The following PODNL1 variants were observed in gnomAD, a reference collection of about 807,000 sequenced individuals.
PODNL1 encodes podocan like 1.
PODNL1 carries 50 observed loss-of-function variants against 45.1 expected under a neutral mutation model. The ratio of observed to expected loss-of-function variants is 1.11; its 90% CI spans 0.88 to 1.40. PODNL1 has a LOEUF of 1.40. Ranked by LOEUF, PODNL1 falls within the 40% of genes most tolerant of loss-of-function variation. The pLI is 0.00. For missense variants in PODNL1, 788 were observed against 793.3 expected (o/e 0.99, Z 0.08); for synonymous variants, 406 against 372.5 (o/e 1.09, Z -1.04).
chr19:13,933,825 G>T lies in PODNL1; in HGVS notation c.767+53C>A. Reference sequence around the variant, plus strand: ...AGTCAGGGAAGGGGGACTGAAGGTTGGGACCCCCGACTGTAAATTCTCAGC... The same window carrying T: ...AGTCAGGGAAGGGGGACTGAAGGTTTGGACCCCCGACTGTAAATTCTCAGC... On this transcript the variant is annotated intron_variant, in intron 7 of 9. Coordinates refer to ENST00000588872, the MANE Select transcript of PODNL1 (RefSeq NM_001370095.3). This position sits in a 1 kb window ranked among gnomAD's most constrained non-coding sequence, Gnocchi z 5.2. 1 of 1,463,584 alleles carries T rather than the reference G, an allele frequency of 6.8e-7. No individual in the cohort carries two copies. The highest frequency in any genetic ancestry group is 2.5e-5 in the East Asian group (1 of 40,758). 90.7% of individuals were successfully genotyped at this position (1,463,584 alleles called of 1,614,324 possible). A position where few individuals can be genotyped will look rare whatever the true frequency, so the allele number is the denominator to read the frequency against.
upstream of PODNL1, among the ~76,000 whole-genome samples, chr19:13,941,900 C>G (rs1430098108): frequency 1.3e-5 from 2 of 152,152 alleles, no homozygotes; most frequent in East Asian, 3.8e-4. Flanking sequence ...GAGGGTCTCT[C>G]TTCATGGGGT....
rs779971244 is a variant in PODNL1, at chr19:13,935,751, G to A, written c.464C>T (p.Pro155Leu). Reference sequence around the variant, plus strand: ...TGCCGGCTTCTCCCCAAAGGTGAGGGGGAAGATCTCCATCACTTGGTTGGC... The same window carrying A: ...TGCCGGCTTCTCCCCAAAGGTGAGGAGGAAGATCTCCATCACTTGGTTGGC... ...LAANQVMEIF[P>L]LTFGEKPALR... is the part of the protein sequence containing the mutation. Residue 155 changes from proline (P) to leucine (L), a missense_variant, in exon 5 of 10, where the codon CCC becomes CTC. Pro to Leu is a moderately conservative substitution (Grantham distance 98). Transcript: ENST00000588872. 6.3e-7 allele frequency: 1 copy of A among 1,591,218 alleles called. No individual in the cohort carries two copies. Among genetic ancestry groups the A allele is most frequent in the South Asian group, 1.1e-5 (1 of 88,070 alleles).
At chr19:13,932,642 C>A in intron 8 of PODNL1, 156 bp downstream of exon 8, 1 of 1,534,626 alleles carries the variant, frequency 6.5e-7, no homozygotes, top group Non-Finnish European at 8.8e-7. Context: ...AGGCATGAGC[C>A]ACCTCACCCA....
At chr19:13,940,597 C>G (rs1475415017), upstream of PODNL1, among the ~76,000 whole-genome samples, 3 of 92,848 alleles carry the variant, frequency 3.2e-5, no homozygotes, top group Non-Finnish European at 4.4e-5. Context: ...AAAAACTTAG[C>G]GGGGGCCAGG....
chr19:13,937,592 G>A (rs923839037), intron 2 of PODNL1, among the ~76,000 whole-genome samples, 193 bp downstream of exon 2: 3 of 151,856 alleles, frequency 2.0e-5, no homozygotes, highest in Non-Finnish European at 2.9e-5. Context: ...GCATGTCCAC[G>A]CTCACCCCTC....
upstream of PODNL1, chr19:13,938,573 G>A: frequency 1.5e-6 from 1 of 670,302 alleles, no homozygotes; most frequent in Non-Finnish European, 1.9e-6. Flanking sequence ...GGGGATGGAG[G>A]GATGGGGGGA....
At chr19:13,935,525 T>A (rs997469202) in intron 5 of PODNL1, among the ~76,000 whole-genome samples, 196 bp downstream of exon 5, 2 of 151,960 alleles carry the variant, frequency 1.3e-5, no homozygotes, top group Non-Finnish European at 2.9e-5. Context: ...CAGGGTTTCA[T>A]CATGTTGGCC....
rs377267916 is a variant in PODNL1 at position 13,943,723 on chromosome 19, A to G, written c.19-5717T>C. ...ATGATCCACCTGCCTCAGCCTCCCA[A>G]AGTGCTGGGATTACAGGCGTGAGCC... On this transcript the variant is annotated intron_variant, in intron 1 of 7. Coordinates refer to the PODNL1 transcript ENST00000538371. 5.0e-3 allele frequency among the ~76,000 whole-genome samples: 757 copies of G among 151,558 alleles called. 5 individuals are homozygous for G. Among genetic ancestry groups the G allele is most frequent in the Middle Eastern group, 0.014 (4 of 292 alleles).
rs1396731354 is a variant in PODNL1 at position 13,934,449 on chromosome 19, G to A, written c.495-39C>T. ...GGCTCCGGCCACCAGCCTGCCCCTC[G>A]CCTCCTACCACCCCACTCCCGCACC... is the stretch of plus-strand genomic sequence containing the variant. On this transcript the variant is annotated intron_variant, in intron 5 of 9. Coordinates refer to ENST00000588872, the MANE Select transcript of PODNL1 (RefSeq NM_001370095.3). 5 of 1,462,334 alleles carry A rather than the reference G, an allele frequency of 3.4e-6. No homozygotes were observed. The East Asian group carries it at 1.0e-4, about 30-fold the overall frequency. The allele number at this position is 1,462,334 out of a possible 1,614,324, so 90.6% of individuals were successfully genotyped here. A position where few individuals can be genotyped will look rare whatever the true frequency, so the allele number is the denominator to read the frequency against.
At chr19:13,932,369 T>G in intron 8 of PODNL1, 1 of 496,088 alleles carries the variant, frequency 2.0e-6, no homozygotes, top group South Asian at 6.3e-5. Flanking sequence ...TTTCATCACT[T>G]TTTTTTTCAA....
At chr19:13,939,692 T>G (rs73515536), upstream of PODNL1, among the ~76,000 whole-genome samples, 11,046 of 151,518 alleles carry the variant, frequency 0.073, 1,150 homozygotes, top group African/African-American at 0.23. Flanking sequence ...TTCCAGAGCA[T>G]CGAGCCCAAC....
At position 13,933,961 on chromosome 19, in the gene PODNL1, G is replaced by C; in HGVS notation, c.684C>G (p.Ala228=). The C allele has an allele frequency of 6.2e-7, 1 of 1,611,086 alleles. No homozygotes were observed. The highest frequency in any genetic ancestry group is 8.5e-7 in the Non-Finnish European group (1 of 1,178,726). ...CACGGAGTTGAGTCTGGCGGCTCAGGGCTCCTCGGGGCACCTTGGAGATGA... is the reference window on the plus strand; with the variant it reads ...CACGGAGTTGAGTCTGGCGGCTCAGCGCTCCTCGGGGCACCTTGGAGATGA... ...NNLISKVPRG[A]LSRQTQLREL... The change falls in exon 7 of 10, where the codon GCC becomes GCG. Residue 228 remains alanine, a synonymous_variant. Coordinates refer to ENST00000588872, the MANE Select transcript of PODNL1 (RefSeq NM_001370095.3). The surrounding 1 kb of genome is among the most constrained non-coding windows in gnomAD (Gnocchi z 5.2).
At chr19:13,949,504 C>T (rs1055231753) in intron 1 of PODNL1, 2 of 151,958 alleles carry the variant, frequency 1.3e-5, no homozygotes, top group Admixed American at 1.3e-4. Flanking sequence ...ATTGTAGAGA[C>T]GAGGTCTTAA....
chr19:13,945,630 G>A (rs911418725), intron 1 of PODNL1, among the ~76,000 whole-genome samples: 6 of 151,872 alleles, frequency 4.0e-5, no homozygotes, highest in Non-Finnish European at 8.8e-5. Flanking sequence ...GGAATTACAG[G>A]TGCCTGCCAC....
chr19:13,941,384 A>AG (rs1412250231), upstream of PODNL1, among the ~76,000 whole-genome samples: 2 of 151,100 alleles, frequency 1.3e-5, no homozygotes, highest in Non-Finnish European at 2.9e-5. Flanking sequence ...AAAAAAAAAA[A>AG]GTATAGCGTC....
chr19:13,932,911 C>G lies in PODNL1; in HGVS notation c.1312G>C (p.Glu438Gln), dbSNP rs894563143. Residue 438 changes from glutamate to glutamine, a missense_variant, in exon 8 of 10, where the codon GAG becomes CAG. Glu to Gln is a conservative substitution (Grantham distance 29). Transcript: ENST00000588872. ...QLQRNQLRML[E>Q]PEPLAGLDQL... ...TCCAGGCCGGCCAGAGGCTCGGGCTCGAGCATCCGCAGCTGGTTGCGTTGC... is the reference window on the plus strand; with the variant it reads ...TCCAGGCCGGCCAGAGGCTCGGGCTGGAGCATCCGCAGCTGGTTGCGTTGC... 6.3e-7 allele frequency: 1 copy of G among 1,585,382 alleles called. No homozygotes were observed. Among genetic ancestry groups the G allele is most frequent in the Admixed American group, 1.8e-5 (1 of 55,352 alleles).
At position 13,935,795 on chromosome 19, in the gene PODNL1, G is replaced by C; in HGVS notation, c.420C>G (p.Leu140=). 6.2e-7 allele frequency: 1 copy of C among 1,600,148 alleles called. No homozygotes were observed. Among genetic ancestry groups the C allele is most frequent in the Non-Finnish European group, 8.5e-7 (1 of 1,176,010 alleles). Residue 140 remains leucine (L), a synonymous_variant, in exon 5 of 10, where the codon CTC becomes CTG. Transcript: ENST00000588872. The stretch of plus-strand genomic sequence containing the variant: ...GGTTGGCAGCCAGATCCGCGACACG[G>C]AGGGACCGGGGCAGAAACTGAGGGG... ...SVAPQFLPRS[L]RVADLAANQV...
chr19:13,936,446 C>G lies in PODNL1; in HGVS notation c.240G>C (p.Gln80His). 2 of 1,613,248 alleles carry G rather than the reference C, an allele frequency of 1.2e-6. No individual in the cohort carries two copies. Among genetic ancestry groups the G allele is most frequent in the Non-Finnish European group, 1.7e-6 (2 of 1,179,474 alleles). ...GGGACAGCTCATTGTAGGGGAGTTC[C>G]TGGAGCTGGTTGTTCTGCAGGGTGA... is the stretch of plus-strand genomic sequence containing the variant. Reference protein sequence around the residue: ...QHLSLQNNQLQELPYNELSRL... With the variant: ...QHLSLQNNQLHELPYNELSRL... Residue 80 changes from glutamine to histidine, a missense_variant, in exon 3 of 10, where the codon CAG becomes CAC. By Grantham distance (24) the Gln-to-His change is conservative. Transcript: ENST00000588872.
intron 1 of PODNL1, among the ~76,000 whole-genome samples, chr19:13,948,203 CTTT>C (rs1213833304): frequency 7.6e-6 from 1 of 132,048 alleles, no homozygotes. Flanking sequence ...CTTTTCTTTT[CTTT>C]TTTTTTTTTT....
Sources: allele counts gnomAD v4.1 joint callset (sites outside exome capture counted in the v4.1 genomes callset), GRCh38; gene constraint gnomAD v4.1.1; non-coding constraint Gnocchi (gnomAD v3.1); transcripts MANE v1.5; gene names NCBI Gene and HGNC (gene_info 2026-07-23, HGNC 2026-07-21).